The following DYNC2I1 variants were observed in gnomAD, a reference collection of about 807,000 sequenced individuals.
DYNC2I1 encodes the protein cytoplasmic dynein 2 intermediate chain 1.
Under a neutral mutation model 133.4 loss-of-function variants are expected in DYNC2I1, and 89 were observed. The observed-to-expected ratio is 0.67, with a 90% CI of 0.56 to 0.80. The LOEUF (loss-of-function observed/expected upper bound fraction) is 0.80. Ranked by LOEUF, DYNC2I1 falls within the 30% of genes least tolerant of loss-of-function variation. The pLI is 0.00. For synonymous variants in DYNC2I1, 504 were observed against 484.3 expected (o/e 1.04, Z -0.54); for missense variants, 1,291 against 1,314.5 (o/e 0.98, Z 0.28).
chr7:158,860,295 G>A (rs1841759462), intron 1 of DYNC2I1, among the ~76,000 whole-genome samples: 1 of 152,018 alleles, frequency 6.6e-6, no homozygotes, highest in African/African-American at 2.4e-5. Context: ...CTGACCTCAG[G>A]TGATTCACCA....
chr7:158,860,359 G>A (rs1192722222), intron 1 of DYNC2I1, among the ~76,000 whole-genome samples: 2 of 152,064 alleles, frequency 1.3e-5, no homozygotes, highest in East Asian at 1.9e-4. Context: ...TCACCCCGCT[G>A]GTATTATAGC....
At chr7:158,869,373 C>T in intron 1 of DYNC2I1, 1 of 450,300 alleles carries the variant, frequency 2.2e-6, no homozygotes, top group South Asian at 1.6e-5. Context: ...AGCTGCAGCC[C>T]AGGAGGACCA....
chr7:158,902,770 T>C (rs750742011), intron 10 of DYNC2I1, 175 bp downstream of exon 10: 5 of 612,408 alleles, frequency 8.2e-6, no homozygotes, highest in East Asian at 5.5e-5. Flanking sequence ...CCCTGAAGAC[T>C]TGAGCACGAG....
chr7:158,938,438 C>A (rs1358304635), intron 23 of DYNC2I1, among the ~76,000 whole-genome samples: 1 of 152,168 alleles, frequency 6.6e-6, no homozygotes, highest in Non-Finnish European at 1.5e-5. Context: ...AGAGAATTCA[C>A]CATCCTCAGA....
chr7:158,884,047 T>A (rs1844345820), intron 5 of DYNC2I1, among the ~76,000 whole-genome samples: 1 of 96,262 alleles, frequency 1.0e-5, no homozygotes, highest in South Asian at 3.6e-4. Flanking sequence ...TAAAAAACAA[T>A]TTTTTTTTTT....
At chr7:158,882,521 T>C (rs191311238) in intron 5 of DYNC2I1, among the ~76,000 whole-genome samples, 144 of 152,232 alleles carry the variant, frequency 9.5e-4, no homozygotes, top group Admixed American at 3.3e-3. Flanking sequence ...AGGTCAAGCC[T>C]GCAGTGAGCT....
downstream of DYNC2I1, among the ~76,000 whole-genome samples, chr7:158,947,734 C>G (rs1272554565): frequency 6.6e-6 from 1 of 152,232 alleles, no homozygotes; most frequent in African/African-American, 2.4e-5. Flanking sequence ...CTCTGAAGCC[C>G]TTGCTCATGC....
At chr7:158,873,637 A>G (rs1554443350) in intron 3 of DYNC2I1, among the ~76,000 whole-genome samples, 1 of 152,202 alleles carries the variant, frequency 6.6e-6, no homozygotes, top group Non-Finnish European at 1.5e-5. Context: ...ACTTAAAGAA[A>G]TAAAGTAGAG....
At chr7:158,953,239 T>C (rs1442420858) in intron 4 of DYNC2I1, among the ~76,000 whole-genome samples, 3 of 147,702 alleles carry the variant, frequency 2.0e-5, no homozygotes, top group Non-Finnish European at 4.5e-5. Flanking sequence ...TGGCTGCTCC[T>C]ACCCTCCTCG....
At chr7:158,865,491 T>C (rs2129476668) in intron 1 of DYNC2I1, among the ~76,000 whole-genome samples, 2 of 152,354 alleles carry the variant, frequency 1.3e-5, no homozygotes, top group East Asian at 3.9e-4. Flanking sequence ...GGGCAGCCGC[T>C]CATCTCCTGT....
intron 4 of DYNC2I1, among the ~76,000 whole-genome samples, chr7:158,952,721 CA>C (rs1563221507): frequency 1.4e-3 from 206 of 151,520 alleles, no homozygotes; most frequent in East Asian, 6.6e-3. Flanking sequence ...CATCGTAAGA[CA>C]GAGTCCGCAC....
intron 1 of DYNC2I1, among the ~76,000 whole-genome samples, chr7:158,867,881 C>G (rs1360975548): frequency 1.3e-5 from 2 of 152,174 alleles, no homozygotes; most frequent in African/African-American, 4.8e-5. Context: ...TGGGCCTCCA[C>G]CCCGTCCTCC....
intron 1 of DYNC2I1, among the ~76,000 whole-genome samples, chr7:158,866,884 C>CA (rs532567555): frequency 0.056 from 7,437 of 132,024 alleles, 418 homozygotes; most frequent in African/African-American, 0.15. Flanking sequence ...GGCTCCGTCT[C>CA]AAAAAAAAAA....
chr7:158,941,840 G>A, intron 23 of DYNC2I1, 85 bp from the exon 24 acceptor site: 1 of 1,461,338 alleles, frequency 6.8e-7, no homozygotes. Context: ...TTGCACCACT[G>A]CACTCCAGGC....
intron 23 of DYNC2I1, 151 bp from the exon 24 acceptor site, chr7:158,941,774 A>T: frequency 2.5e-6 from 2 of 790,622 alleles, no homozygotes; most frequent in South Asian, 1.7e-5. Context: ...GCTACTCAGG[A>T]GGCCGAGGCA....
rs1465419925 is a variant in DYNC2I1 at position 158,871,172 on chromosome 7, AG to A, written c.101del (p.Arg34LysfsTer71). On this transcript the variant is annotated frameshift_variant, in exon 3 of 25. Coordinates refer to ENST00000407559, the MANE Select transcript of DYNC2I1 (RefSeq NM_018051.5). LOFTEE classifies it high-confidence loss of function. ...ACAGTCAGGTGGTTCCAAGGAAGAA[AG>A]AAAGCACAGAGAGAAGAAGCTGCGT... ...AIQSGGSKEE[R>X]KHREKKLRKE... is the part of the protein sequence containing the mutation. 6.2e-7 allele frequency: 1 copy of A among 1,613,520 alleles called. No individual in the cohort carries two copies. Among genetic ancestry groups the A allele is most frequent in the South Asian group, 1.1e-5 (1 of 91,028 alleles).
intron 7 of DYNC2I1, 83 bp from the exon 8 acceptor site, chr7:158,891,182 G>T (rs1419075931): frequency 6.7e-7 from 1 of 1,495,934 alleles, no homozygotes; most frequent in East Asian, 2.3e-5. Flanking sequence ...GCTCCGCAGT[G>T]GTGGGGTGGG....
At chr7:158,934,856 C>T (rs1364691756) in intron 23 of DYNC2I1, among the ~76,000 whole-genome samples, 2 of 152,166 alleles carry the variant, frequency 1.3e-5, no homozygotes, top group African/African-American at 4.8e-5. Flanking sequence ...ATAACACTTG[C>T]AGTGATCCAT....
chr7:158,926,383 T>G lies in DYNC2I1; in HGVS notation c.2372-19T>G, dbSNP rs543315146. The G allele has an allele frequency of 6.8e-6, 11 of 1,609,116 alleles. No individual in the cohort carries two copies. In the African/African-American group the frequency reaches 1.5e-4, roughly 21 times the overall value. On this transcript the variant is annotated intron_variant, in intron 18 of 24. Transcript: ENST00000407559. ...CTTATTTAAAGCCATTTCTTTCTTTTTGTTTCTGTCTTCATCAGAAATGTC... is the reference window on the plus strand; with the variant it reads ...CTTATTTAAAGCCATTTCTTTCTTTGTGTTTCTGTCTTCATCAGAAATGTC...
Sources: allele counts gnomAD v4.1 joint callset (sites outside exome capture counted in the v4.1 genomes callset), GRCh38; gene constraint gnomAD v4.1.1; transcripts MANE v1.5; gene names NCBI Gene and HGNC (gene_info 2026-07-23, HGNC 2026-07-21).